The following IGFBP2 variants were observed in gnomAD, a reference collection of about 807,000 sequenced individuals.
The protein encoded by IGFBP2 is insulin-like growth factor-binding protein 2.
In IGFBP2, 12 loss-of-function variants were observed where a neutral mutation model predicts 26.2. That is an observed-to-expected ratio of 0.46 (90% CI 0.29 to 0.74). The LOEUF (loss-of-function observed/expected upper bound fraction) is 0.74, where lower values mean the gene tolerates loss of function less well. Ranked by LOEUF, IGFBP2 falls within the 30% of genes least tolerant of loss-of-function variation. The probability of loss-of-function intolerance (pLI) is 0.09; values close to 1 mark genes in which losing one functional copy is unlikely to be tolerated. For synonymous variants in IGFBP2, 189 were observed against 200.6 expected, an observed-to-expected ratio of 0.94 and a Z score of 0.49; for missense variants, 328 against 441.2, an observed-to-expected ratio of 0.74 and a Z score of 2.30.
rs1460084770 is a variant in IGFBP2, at chr2:216,633,431, G to A, written c.-93G>A. 5.1e-6 allele frequency: 1 copy of A among 197,030 alleles called. No individual in the cohort carries two copies. Among genetic ancestry groups the A allele is most frequent in the Non-Finnish European group, 9.3e-6 (1 of 107,746 alleles). 12.2% of individuals were successfully genotyped at this position (197,030 alleles called of 1,614,324 possible). A position where few individuals can be genotyped will look rare whatever the true frequency, so the allele number is the denominator to read the frequency against. Reference sequence around the variant, plus strand: ...CGGCGGCGAGGGAGGAGGAAGAAGCGGAGGAGGCGGCTCCCGCGCTCGCAG... The same window carrying A: ...CGGCGGCGAGGGAGGAGGAAGAAGCAGAGGAGGCGGCTCCCGCGCTCGCAG... On this transcript the variant is annotated 5_prime_UTR_variant, in exon 1 of 4. Transcript: ENST00000233809.
At chr2:216,645,495 A>C (rs967055614) in intron 1 of IGFBP2, among the ~76,000 whole-genome samples, 8 of 152,204 alleles carry the variant, frequency 5.3e-5, no homozygotes, top group African/African-American at 9.6e-5. Context: ...GTTGGCCTCC[A>C]GCTCTATAGT....
chr2:216,635,823 A>C (rs926827547), intron 1 of IGFBP2, among the ~76,000 whole-genome samples: 32 of 151,632 alleles, frequency 2.1e-4, no homozygotes, highest in African/African-American at 7.8e-4. Context: ...GTCACTCTGG[A>C]TTTTCTGCCT....
chr2:216,663,586 G>A (rs541489994), intron 3 of IGFBP2: 1 of 217,096 alleles, frequency 4.6e-6, no homozygotes, highest in African/African-American at 2.2e-5. Flanking sequence ...CTATGACTAA[G>A]CTTCAGTATG....
In IGFBP2 at chr2:216,633,484, T is replaced by G; in HGVS notation, c.-40T>G. On this transcript the variant is annotated 5_prime_UTR_variant, in exon 1 of 4. Coordinates refer to ENST00000233809, the MANE Select transcript of IGFBP2 (RefSeq NM_000597.3). ...CCGTGCCACCTGCCCGCCCGCCCGC[T>G]CGCTCGCTCGCCCGCCGCGCCGCGC... 1 of 514,252 alleles carries G rather than the reference T, an allele frequency of 1.9e-6. No homozygotes were observed. Among genetic ancestry groups the G allele is most frequent in the Non-Finnish European group, 2.5e-6 (1 of 397,146 alleles). 31.9% of individuals were successfully genotyped at this position (514,252 alleles called of 1,614,324 possible). A position where few individuals can be genotyped will look rare whatever the true frequency, so the allele number is the denominator to read the frequency against.
intron 1 of IGFBP2, among the ~76,000 whole-genome samples, chr2:216,642,091 C>T (rs1697627523): frequency 6.8e-6 from 1 of 148,016 alleles, no homozygotes; most frequent in African/African-American, 2.5e-5. Context: ...GCTCCATCTC[C>T]CGGGTTCATG....
At chr2:216,654,113 G>A (rs977272104) in intron 1 of IGFBP2, among the ~76,000 whole-genome samples, 2 of 152,122 alleles carry the variant, frequency 1.3e-5, no homozygotes, top group Admixed American at 6.5e-5. Flanking sequence ...TGTTCTGAGG[G>A]CAAATTCCAT....
intron 1 of IGFBP2, among the ~76,000 whole-genome samples, chr2:216,649,986 G>A (rs759615559): frequency 1.3e-5 from 2 of 152,210 alleles, no homozygotes; most frequent in Non-Finnish European, 2.9e-5. Flanking sequence ...AGCTTACAAG[G>A]CTGTGTCTCT....
intron 2 of IGFBP2, chr2:216,661,135 C>T (rs1470487757): frequency 3.1e-6 from 1 of 327,158 alleles, no homozygotes; most frequent in Non-Finnish European, 5.8e-6. Flanking sequence ...TGGGGTCTCA[C>T]TCTGTTGCCC....
intron 2 of IGFBP2, 135 bp downstream of exon 2, chr2:216,660,921 T>C (rs1259484451): frequency 3.0e-6 from 2 of 676,236 alleles, no homozygotes; most frequent in Non-Finnish European, 5.1e-6. Context: ...ACAAACATAG[T>C]TGTGGAACAT....
chr2:216,633,883 C>G lies in IGFBP2; in HGVS notation c.360C>G (p.Pro120=). 1 of 1,586,104 alleles carries G rather than the reference C, an allele frequency of 6.3e-7. No individual in the cohort carries two copies. The highest frequency in any genetic ancestry group is 1.7e-5 in the Admixed American group (1 of 57,428). ...ATCCCCACCCGGGCTCCGAGCTGCC[C>G]CTGCAGGCGCTGGTCATGGGCGAGG... ...RCYPHPGSEL[P]LQALVMGEGT... The change falls in exon 1 of 4, where the codon CCC becomes CCG. Residue 120 remains proline, a synonymous_variant. Coordinates refer to ENST00000233809, the MANE Select transcript of IGFBP2 (RefSeq NM_000597.3).
intron 1 of IGFBP2, among the ~76,000 whole-genome samples, chr2:216,652,549 G>A (rs942212804): frequency 4.6e-5 from 7 of 152,224 alleles, no homozygotes; most frequent in East Asian, 1.9e-4. Context: ...GTTCTGACTC[G>A]TGAGTGAATC....
At chr2:216,662,743 G>A (rs887456365) in intron 3 of IGFBP2, 33 of 149,006 alleles carry the variant, frequency 2.2e-4, no homozygotes, top group African/African-American at 7.9e-4. Flanking sequence ...GCAGTGGCGT[G>A]ATCTCAGCTC....
chr2:216,655,166 C>T (rs890350845), intron 1 of IGFBP2, among the ~76,000 whole-genome samples: 19 of 152,204 alleles, frequency 1.2e-4, no homozygotes, highest in African/African-American at 4.6e-4. Flanking sequence ...CCCACCTCAG[C>T]CTCCCAGGTA....
At chr2:216,641,026 G>T (rs1697603082) in intron 1 of IGFBP2, among the ~76,000 whole-genome samples, 1 of 152,150 alleles carries the variant, frequency 6.6e-6, no homozygotes, top group Non-Finnish European at 1.5e-5. Flanking sequence ...ACCGGGGTTG[G>T]TTCCATTGCA....
At chr2:216,639,069 G>A (rs560011829) in intron 1 of IGFBP2, among the ~76,000 whole-genome samples, 78 of 123,098 alleles carry the variant, frequency 6.3e-4, no homozygotes, top group Non-Finnish European at 1.1e-3. Context: ...CTGGAGTGCA[G>A]TCGCCCAGCC....
intron 1 of IGFBP2, among the ~76,000 whole-genome samples, chr2:216,648,686 G>A (rs1365056277): frequency 1.3e-5 from 2 of 152,230 alleles, no homozygotes; most frequent in South Asian, 2.1e-4. Flanking sequence ...TTGGCTCACT[G>A]CAACCTTCGC....
At position 216,633,489 on chromosome 2, in the gene IGFBP2, C is replaced by T. The variant is rs1697424146; in HGVS notation, c.-35C>T. ...CCACCTGCCCGCCCGCCCGCTCGCTCGCTCGCCCGCCGCGCCGCGCTGCCG... is the reference window on the plus strand; with the variant it reads ...CCACCTGCCCGCCCGCCCGCTCGCTTGCTCGCCCGCCGCGCCGCGCTGCCG... On this transcript the variant is annotated 5_prime_UTR_variant, in exon 1 of 4. Coordinates refer to ENST00000233809, the MANE Select transcript of IGFBP2 (RefSeq NM_000597.3). The T allele has an allele frequency of 1.2e-5, 7 of 590,036 alleles. No homozygotes were observed. Among genetic ancestry groups the T allele is most frequent in the Non-Finnish European group, 1.5e-5 (7 of 466,272 alleles). 36.6% of individuals were successfully genotyped at this position (590,036 alleles called of 1,614,324 possible).
intron 3 of IGFBP2, 80 bp from the exon 4 acceptor site, chr2:216,663,860 G>T (rs1175845286): frequency 2.0e-6 from 3 of 1,477,812 alleles, no homozygotes; most frequent in Admixed American, 2.0e-5. Flanking sequence ...AGGGGTGGCT[G>T]CTCAGTGGAC....
At chr2:216,651,423 CT>C (rs2106199271) in intron 1 of IGFBP2, among the ~76,000 whole-genome samples, 1 of 152,360 alleles carries the variant, frequency 6.6e-6, no homozygotes, top group South Asian at 2.1e-4. Flanking sequence ...CCTGTCTCAA[CT>C]GAGCATGCGT....
Sources: gnomAD v4.1 joint callset for allele counts (sites outside exome capture counted in the v4.1 genomes callset) on GRCh38, gnomAD v4.1.1 for gene constraint, MANE v1.5 for transcripts, NCBI Gene and HGNC (gene_info 2026-07-23, HGNC 2026-07-21) for gene names.